LAP3: variants seen among roughly 807,000 people sequenced by gnomAD.
LAP3 encodes the protein leucine aminopeptidase 3.
LAP3 carries 46 observed loss-of-function variants against 58.8 expected under a neutral mutation model. That is an observed-to-expected ratio of 0.78 (90% CI 0.62 to 1.00). LAP3 has a LOEUF of 1.00. LAP3 is among the 50% of genes least tolerant of loss of function. LAP3 has a pLI of 0.00. For missense variants in LAP3, 615 were observed against 659.1 expected (o/e 0.93, Z 0.73); for synonymous variants, 257 against 237.7 (o/e 1.08, Z -0.75).
chr4:17,579,261 T>C (rs1435411681), intron 1 of LAP3, among the ~76,000 whole-genome samples: 1 of 152,170 alleles, frequency 6.6e-6, no homozygotes, highest in African/African-American at 2.4e-5. Flanking sequence ...GTAGGTTTAT[T>C]TGTACAGGTC....
intron 6 of LAP3, among the ~76,000 whole-genome samples, chr4:17,587,291 C>T (rs947441874): frequency 3.9e-5 from 6 of 152,122 alleles, no homozygotes; most frequent in Non-Finnish European, 8.8e-5. Context: ...GACATAGCCG[C>T]GCTAAGCACT....
intron 11 of LAP3, among the ~76,000 whole-genome samples, chr4:17,606,008 G>A (rs1026058068): frequency 6.6e-6 from 1 of 152,142 alleles, no homozygotes; most frequent in Non-Finnish European, 1.5e-5. Context: ...TAAATAATCT[G>A]TTTATGTATC....
Position 17,588,851 on chromosome 4 carries a change from G to C in LAP3, c.737G>C (p.Gly246Ala), listed in dbSNP as rs1218392145. The C allele has an allele frequency of 4.3e-6, 7 of 1,614,020 alleles. No individual in the cohort carries two copies. The highest frequency in any genetic ancestry group is 1.7e-5 in the Admixed American group (1 of 60,002). ...PKSWIEEQAM[G>A]SFLSVAKGSD... ...TCTTGGATTGAGGAACAGGCAATGGGATCATTCCTCAGTGTGGCCAAAGGA... is the reference window on the plus strand; with the variant it reads ...TCTTGGATTGAGGAACAGGCAATGGCATCATTCCTCAGTGTGGCCAAAGGA... The change falls in exon 7 of 13, where the codon GGA becomes GCA. Residue 246 changes from glycine to alanine, a missense_variant. Gly to Ala is a moderately conservative substitution (Grantham distance 60). Transcript: ENST00000226299.
chr4:17,582,336 A>G lies in LAP3; in HGVS notation c.322A>G (p.Ile108Val), dbSNP rs1393872330. The G allele has an allele frequency of 1.9e-6, 3 of 1,614,182 alleles. No homozygotes were observed. The highest frequency in any genetic ancestry group is 1.7e-6 in the Non-Finnish European group (2 of 1,180,024). Reference sequence around the variant, plus strand: ...TGGCCTCGGCAAAAAGGCAGCTGGAATCGACGAACAGGAAAACTGGCATGA... The same window carrying G: ...TGGCCTCGGCAAAAAGGCAGCTGGAGTCGACGAACAGGAAAACTGGCATGA... ...LVGLGKKAAGIDEQENWHEGK... is the reference protein window; with the variant it reads ...LVGLGKKAAGVDEQENWHEGK... The change falls in exon 4 of 13, where the codon ATC (isoleucine) becomes GTC (valine). Residue 108 changes from isoleucine to valine, a missense_variant. By Grantham distance (29) the Ile-to-Val change is conservative. Coordinates refer to ENST00000226299, the MANE Select transcript of LAP3 (RefSeq NM_015907.3).
Position 17,595,544 on chromosome 4 carries a change from G to T in LAP3, c.988+10G>T. 6.2e-7 allele frequency: 1 copy of T among 1,613,414 alleles called. No homozygotes were observed. Among genetic ancestry groups the T allele is most frequent in the Non-Finnish European group, 8.5e-7 (1 of 1,179,546 alleles). On this transcript the variant is annotated intron_variant, in intron 8 of 12. Coordinates refer to ENST00000226299, the MANE Select transcript of LAP3 (RefSeq NM_015907.3). ...CCCATTAATATTATAGGTAAGTGGG[G>T]TAACGGATTACATCTCATAACGCTT...
intron 3 of LAP3, 31 bp from the exon 4 acceptor site, chr4:17,582,257 A>C (rs1418119840): frequency 1.9e-6 from 3 of 1,541,828 alleles, no homozygotes; most frequent in Non-Finnish European, 2.7e-6. Context: ...GAAAGAAATA[A>C]AGTGGTTGAT....
In LAP3 at chr4:17,607,514, A is replaced by C; in HGVS notation, c.1485A>C (p.Leu495=). ...VMTNKDEVPY[L]RKGMTGRPTR... is the part of the protein sequence containing the mutation. ...CCAACAAAGATGAAGTTCCCTATCT[A>C]CGGAAAGGCATGACTGGGAGGCCCA... The change falls in exon 13 of 13, where the codon CTA becomes CTC. Residue 495 remains leucine, a synonymous_variant. Transcript: ENST00000226299. The C allele has an allele frequency of 6.2e-7, 1 of 1,614,140 alleles. No homozygotes were observed. The highest frequency in any genetic ancestry group is 8.5e-7 in the Non-Finnish European group (1 of 1,180,026).
intron 7 of LAP3, among the ~76,000 whole-genome samples, chr4:17,589,826 G>A (rs943592154): frequency 6.6e-6 from 1 of 152,174 alleles, no homozygotes; most frequent in South Asian, 2.1e-4. Context: ...GATTCTCCAC[G>A]AGGTTAGTGG....
At chr4:17,580,158 C>T (rs1470503359) in intron 2 of LAP3, among the ~76,000 whole-genome samples, 1 of 61,330 alleles carries the variant, frequency 1.6e-5, no homozygotes. Flanking sequence ...TCACCACTCC[C>T]GGCTTTCATA....
chr4:17,598,961 C>A (rs1481386064), intron 10 of LAP3, among the ~76,000 whole-genome samples: 1 of 152,118 alleles, frequency 6.6e-6, no homozygotes, highest in Non-Finnish European at 1.5e-5. Context: ...TGGTTTCGAA[C>A]TCCTGAACTC....
At chr4:17,580,471 T>C (rs1440987498) in intron 2 of LAP3, among the ~76,000 whole-genome samples, 1 of 151,834 alleles carries the variant, frequency 6.6e-6, no homozygotes, top group Non-Finnish European at 1.5e-5. Context: ...GTCAGGCCAT[T>C]TCCAGCCCAA....
chr4:17,591,055 C>T (rs966662900), intron 7 of LAP3, among the ~76,000 whole-genome samples: 1 of 150,816 alleles, frequency 6.6e-6, no homozygotes, highest in Non-Finnish European at 1.5e-5. Flanking sequence ...AGGTGTGAGC[C>T]ACCACACCCA....
chr4:17,581,564 C>A (rs1378128123), intron 2 of LAP3, among the ~76,000 whole-genome samples, 196 bp from the exon 3 acceptor site: 1 of 124,920 alleles, frequency 8.0e-6, no homozygotes, highest in Non-Finnish European at 1.7e-5. Flanking sequence ...CAGAGTGAGA[C>A]CCTGTCTCTA....
At chr4:17,601,404 T>A (rs957386345) in intron 10 of LAP3, among the ~76,000 whole-genome samples, 2 of 152,230 alleles carry the variant, frequency 1.3e-5, no homozygotes, top group African/African-American at 4.8e-5. Flanking sequence ...TTTATTACTT[T>A]AAGGGAAGAT....
At chr4:17,580,439 G>A (rs1159142957) in intron 2 of LAP3, among the ~76,000 whole-genome samples, 1 of 151,542 alleles carries the variant, frequency 6.6e-6, no homozygotes, top group Non-Finnish European at 1.5e-5. Flanking sequence ...TTTCAGTATG[G>A]ATGGGTCTGC....
chr4:17,577,620 T>G, intron 1 of LAP3, 53 bp downstream of exon 1: 4 of 1,374,824 alleles, frequency 2.9e-6, no homozygotes, highest in Non-Finnish European at 4.0e-6. Context: ...GCCCGTGGGC[T>G]ACTGGGGCTG....
Position 17,598,492 on chromosome 4 carries a change from G to A in LAP3, c.1114G>A (p.Ala372Thr), listed in dbSNP as rs1239197336. 4 of 1,614,148 alleles carry A rather than the reference G, an allele frequency of 2.5e-6. No homozygotes were observed. In the South Asian group the frequency reaches 4.4e-5, roughly 18 times the overall value. ...TGATGCTGAGGGGAGGCTCATACTG[G>A]CTGATGCGCTCTGTTACGCACACAC... ...NTDAEGRLIL[A>T]DALCYAHTFN... Residue 372 changes from alanine (A) to threonine (T), a missense_variant, in exon 10 of 13, where the codon GCT (alanine) becomes ACT (threonine). Ala to Thr is a moderately conservative substitution (Grantham distance 58). Transcript: ENST00000226299.
chr4:17,586,057 T>C (rs1713506128), intron 6 of LAP3: 1 of 152,218 alleles, frequency 6.6e-6, no homozygotes, highest in African/African-American at 2.4e-5. Context: ...TTCTGCCTCA[T>C]AGATTCCCTT....
rs368879305 is a variant in LAP3 at position 17,604,595 on chromosome 4, G to A, written c.1188G>A (p.Met396Ile). ...ILNAATLTGA[M>I]DVALGSGATG... ...AGGGCTTGTGTCTTACAGGTGCCATGGATGTAGCTTTGGGATCAGGTGCCA... is the reference window on the plus strand; with the variant it reads ...AGGGCTTGTGTCTTACAGGTGCCATAGATGTAGCTTTGGGATCAGGTGCCA... Residue 396 changes from methionine (M) to isoleucine (I), a missense_variant, in exon 11 of 13, where the codon ATG becomes ATA. Coordinates refer to ENST00000226299, the MANE Select transcript of LAP3 (RefSeq NM_015907.3). 60 of 1,613,964 alleles carry A rather than the reference G, an allele frequency of 3.7e-5. No homozygotes were observed. The African/African-American group carries it at 6.8e-4, about 18-fold the overall frequency.
Sources: gnomAD v4.1 joint callset for allele counts (sites outside exome capture counted in the v4.1 genomes callset) on GRCh38, gnomAD v4.1.1 for gene constraint, MANE v1.5 for transcripts, NCBI Gene and HGNC (gene_info 2026-07-23, HGNC 2026-07-21) for gene names.